Variants in PLIN4 observed in about 807,000 individuals in gnomAD.
The protein encoded by PLIN4 is perilipin 4, also known as perilipin-4.
A neutral mutation model predicts 52.4 loss-of-function variants in PLIN4; 57 were observed. The ratio of observed to expected loss-of-function variants is 1.09; its 90% CI spans 0.88 to 1.36. The LOEUF (loss-of-function observed/expected upper bound fraction) is 1.36, where lower values mean the gene tolerates loss of function less well. PLIN4 is among the 40% of genes most tolerant of loss of function. The pLI is 0.00. For missense variants in PLIN4, 1,757 were observed against 1,770.3 expected, an observed-to-expected ratio of 0.99 and a Z score of 0.13; for synonymous variants, 826 against 785.4, an observed-to-expected ratio of 1.05 and a Z score of -0.86.
intron 6 of PLIN4, among the ~76,000 whole-genome samples, chr19:4,505,433 G>A (rs16989695): frequency 0.44 from 67,632 of 152,060 alleles, 15,664 homozygotes; most frequent in Admixed American, 0.52. Context: ...CACAAGGTCC[G>A]CGTTCGGCCT....
rs760248235 is a variant in PLIN4 at position 4,513,240 on chromosome 19, A to G, written c.720T>C (p.Thr240=). 3.7e-6 allele frequency: 6 copies of G among 1,613,868 alleles called. No individual in the cohort carries two copies. In the South Asian group the frequency reaches 4.4e-5, roughly 12 times the overall value. The change falls in exon 5 of 8, where the codon ACT becomes ACC. Residue 240 remains threonine, a synonymous_variant. Transcript: ENST00000301286. Reference sequence around the variant, plus strand: ...CCACATTCACTGCCCCTGTGAGCCCAGTGGACACAGCATCTTTGGTGCCGG... The same window carrying G: ...CCACATTCACTGCCCCTGTGAGCCCGGTGGACACAGCATCTTTGGTGCCGG... The part of the protein sequence containing the change: ...VLTGTKDAVS[T]GLTGAVNVAR...
rs766267069 is a variant in PLIN4 at position 4,510,607 on chromosome 19, G to A, written c.3353C>T (p.Thr1118Ile). ...CCCTTGGGTGAACGTCGCCACGTCA[G>A]TCGCAAGGCCCTTGGTAGTGGCTGC... ...EAAATTKGLA[T>I]DVATFTQGAA... is the part of the protein sequence containing the mutation. Residue 1118 changes from threonine to isoleucine, a missense_variant, in exon 5 of 8, where the codon ACT becomes ATT. Around this residue, in one of 7 missense-constraint regions of PLIN4, gnomAD observed 712 missense variants for 637.1 expected, o/e 1.12. Transcript: ENST00000301286. The A allele has an allele frequency of 1.3e-6, 2 of 1,504,572 alleles. No individual in the cohort carries two copies. The highest frequency in any genetic ancestry group is 2.3e-5 in the Admixed American group (1 of 43,032). The allele number at this position is 1,504,572 out of a possible 1,614,324, so 93.2% of individuals were successfully genotyped here. A position where few individuals can be genotyped will look rare whatever the true frequency, so the allele number is the denominator to read the frequency against.
intron 4 of PLIN4, 85 bp downstream of exon 4, chr19:4,516,532 C>G: frequency 6.8e-7 from 1 of 1,473,386 alleles, no homozygotes; most frequent in Non-Finnish European, 9.2e-7. Flanking sequence ...GAGCAGCCCC[C>G]CAGATAGCAG....
chr19:4,506,264 C>T (rs1200932756), intron 6 of PLIN4, among the ~76,000 whole-genome samples: 1 of 152,200 alleles, frequency 6.6e-6, no homozygotes, highest in Non-Finnish European at 1.5e-5. Context: ...CCTCCCAGGC[C>T]TCCTTCCTAT....
At position 4,514,107 on chromosome 19, in the gene PLIN4, G is replaced by A. The variant is rs190813538; in HGVS notation, c.259-406C>T. On this transcript the variant is annotated intron_variant, in intron 4 of 7. Coordinates refer to ENST00000301286, the MANE Select transcript of PLIN4 (RefSeq NM_001367868.2). ...TGCTTATTCTCCATTCATGGCAAAT[G>A]TTGAGCCTGGCGTCCCAGGGACACC... is the stretch of plus-strand genomic sequence containing the variant. Among the ~76,000 whole-genome samples the A allele has an allele frequency of 7.2e-5, 11 of 152,342 alleles. No individual in the cohort carries two copies. The East Asian group carries it at 1.9e-3, about 27-fold the overall frequency.
chr19:4,518,112 CAG>C, intron 2 of PLIN4, 108 bp downstream of exon 2: 2 of 977,084 alleles, frequency 2.0e-6, no homozygotes, highest in South Asian at 9.3e-5. Context: ...ACCAGCCCAC[CAG>C]GGAAGCACCT....
In PLIN4 at chr19:4,518,431, C is replaced by T. The variant is rs908295347; in HGVS notation, c.-64G>A. ...GGTGTCACCGAAGCAGACGCGGCCC[C>T]GCTCACCTGGACTGCGCGGGGTCCC... On this transcript the variant is annotated 5_prime_UTR_variant, in exon 1 of 8. Transcript: ENST00000301286. The T allele has an allele frequency of 1.5e-5, 18 of 1,227,224 alleles. No individual in the cohort carries two copies. Among genetic ancestry groups the T allele is most frequent in the Middle Eastern group, 3.1e-4 (1 of 3,218 alleles). The allele number at this position is 1,227,224 out of a possible 1,614,324, so 76.0% of individuals were successfully genotyped here. A position where few individuals can be genotyped will look rare whatever the true frequency, so the allele number is the denominator to read the frequency against.
chr19:4,509,159 A>G (rs1324685277), intron 5 of PLIN4, among the ~76,000 whole-genome samples: 1 of 151,126 alleles, frequency 6.6e-6, no homozygotes, highest in Non-Finnish European at 1.5e-5. Context: ...AAAATACAAA[A>G]AATTAGCCGG....
chr19:4,503,195 G>C lies in PLIN4; in HGVS notation c.*1264C>G, dbSNP rs1975977826. ...GGCCCCTCCACCCTTCCTCCCCCTG[G>C]GTCTGGGGTTCCTGGGCTCGTGTCC... On this transcript the variant is annotated 3_prime_UTR_variant, in exon 8 of 8. Coordinates refer to ENST00000301286, the MANE Select transcript of PLIN4 (RefSeq NM_001367868.2). 6.6e-6 allele frequency: 1 copy of C among 152,338 alleles called. No individual in the cohort carries two copies. The highest frequency in any genetic ancestry group is 1.5e-5 in the Non-Finnish European group (1 of 68,144). 9.4% of individuals were successfully genotyped at this position (152,338 alleles called of 1,614,324 possible).
Position 4,504,914 on chromosome 19 carries a change from G to A in PLIN4, c.3736C>T (p.Pro1246Ser), listed in dbSNP as rs761817743. The part of the protein sequence containing the change: ...EKAQQAPEGQ[P>S]RLDQGSGASA... ...GCACCTGAGCCCTGGTCCAGACGTG[G>A]CTGCCCTTCTGGAGCCTGCTGGGCC... Residue 1246 changes from proline (P) to serine (S), a missense_variant, in exon 7 of 8, where the codon CCA becomes TCA. Coordinates refer to ENST00000301286, the MANE Select transcript of PLIN4 (RefSeq NM_001367868.2). 6.2e-7 allele frequency: 1 copy of A among 1,607,758 alleles called. No individual in the cohort carries two copies. The highest frequency in any genetic ancestry group is 1.7e-5 in the Admixed American group (1 of 59,214).
At position 4,510,902 on chromosome 19, in the gene PLIN4, T is replaced by G; in HGVS notation, c.3058A>C (p.Lys1020Gln). Residue 1020 changes from lysine (K) to glutamine (Q), a missense_variant, in exon 5 of 8, where the codon AAG becomes CAG. By Grantham distance (53) the Lys-to-Gln change is moderately conservative (BLOSUM62 1). Around this residue, in one of 7 missense-constraint regions of PLIN4, gnomAD observed 712 missense variants for 637.1 expected, o/e 1.12. Transcript: ENST00000301286. ...TCTTTGGTTCCGGTCAGCACTGTCTTGGTGGTGTCCAGGCCCCCCTGGACG... is the reference window on the plus strand; with the variant it reads ...TCTTTGGTTCCGGTCAGCACTGTCTGGGTGGTGTCCAGGCCCCCCTGGACG... ...GAVQGGLDTT[K>Q]TVLTGTKDAV... The G allele has an allele frequency of 6.2e-7, 1 of 1,613,648 alleles. No homozygotes were observed. Among genetic ancestry groups the G allele is most frequent in the East Asian group, 2.2e-5 (1 of 44,888 alleles).
At position 4,517,486 on chromosome 19, in the gene PLIN4, C is replaced by T. The variant is rs570266900; in HGVS notation, c.196+68G>A. On this transcript the variant is annotated intron_variant, in intron 3 of 7. Coordinates refer to ENST00000301286, the MANE Select transcript of PLIN4 (RefSeq NM_001367868.2). ...CCCCAAATGGCTGGAAGTCCCTGCC[C>T]GGGGAGCTCCTTCTCCCAGGTCCAT... 204 of 1,531,224 alleles carry T rather than the reference C, an allele frequency of 1.3e-4. No homozygotes were observed. In the African/African-American group the frequency reaches 2.2e-3, roughly 16 times the overall value. The allele number at this position is 1,531,224 out of a possible 1,614,324, so 94.9% of individuals were successfully genotyped here.
rs1240542983 is a variant in PLIN4, at chr19:4,516,072, G to A, written c.258+545C>T. On this transcript the variant is annotated intron_variant, in intron 4 of 7. Coordinates refer to ENST00000301286, the MANE Select transcript of PLIN4 (RefSeq NM_001367868.2). ...GGTGGATCACTTGAGGTCAGGAGTT[G>A]GAGACCAGCCTGGTGAAACCAACAT... 4.0e-5 allele frequency among the ~76,000 whole-genome samples: 6 copies of A among 149,468 alleles called. 1 individual carries two copies. The East Asian group carries it at 1.2e-3, about 29-fold the overall frequency.
At position 4,518,249 on chromosome 19, in the gene PLIN4, T is replaced by G. The variant is rs1976642968; in HGVS notation, c.24A>C (p.Arg8Ser). Residue 8 changes from arginine (R) to serine (S), a missense_variant, in exon 2 of 8, where the codon AGA becomes AGC. This residue lies in a region of PLIN4 where 332 missense variants were observed against 310.8 expected (regional missense o/e 1.07). Transcript: ENST00000301286. ...TGCCCTTCGGTTTGGGGGGATCCCG[T>G]CTCCCTTCGTCTGGAGCAGACATAG... MSAPDEGRRDPPKPKGKT... is the reference protein window; with the variant it reads MSAPDEGSRDPPKPKGKT... 1 of 1,232,666 alleles carries G rather than the reference T, an allele frequency of 8.1e-7. No homozygotes were observed. The highest frequency in any genetic ancestry group is 1.6e-5 in the African/African-American group (1 of 64,396). 76.4% of individuals were successfully genotyped at this position (1,232,666 alleles called of 1,614,324 possible). A position where few individuals can be genotyped will look rare whatever the true frequency, so the allele number is the denominator to read the frequency against.
rs759214174 is a variant in PLIN4, at chr19:4,511,323, G to A, written c.2637C>T (p.Ala879=). 8.0e-5 allele frequency: 128 copies of A among 1,607,012 alleles called. No individual in the cohort carries two copies. Among genetic ancestry groups the A allele is most frequent in the South Asian group, 7.3e-4 (66 of 90,628 alleles). Residue 879 remains alanine (A), a synonymous_variant, in exon 5 of 8, where the codon GCC becomes GCT. Transcript: ENST00000301286. ...VTGAAKVAKG[A]VQGGLDTTKS... is the part of the protein sequence containing the mutation. ...TTGTAGTGTCCAGGCCCCCCTGGAC[G>A]GCCCCTTTGGCCACTTTCGCAGCAC...
rs1975966569 is a variant in PLIN4, at chr19:4,502,890, G to A, written c.*1569C>T. On this transcript the variant is annotated 3_prime_UTR_variant, in exon 8 of 8. Transcript: ENST00000301286. ...CCGTCCCAGTAAGAATTAGGCTGTG[G>A]TGTGGCGGGAAGGGACTTCCTGAGC... The A allele has an allele frequency of 6.6e-6, 1 of 152,406 alleles. No individual in the cohort carries two copies. The allele number at this position is 152,406 out of a possible 1,614,324, so 9.4% of individuals were successfully genotyped here.
rs528348944 is a variant in PLIN4 at position 4,504,438 on chromosome 19, C to T, written c.*21G>A. The T allele has an allele frequency of 3.9e-5, 60 of 1,523,580 alleles. No homozygotes were observed. The highest frequency in any genetic ancestry group is 2.3e-4 in the Admixed American group (12 of 51,294). 94.4% of individuals were successfully genotyped at this position (1,523,580 alleles called of 1,614,324 possible). On this transcript the variant is annotated 3_prime_UTR_variant, in exon 8 of 8. Coordinates refer to ENST00000301286, the MANE Select transcript of PLIN4 (RefSeq NM_001367868.2). Reference sequence around the variant, plus strand: ...TGGACAGAGCAGGGCGACCCCGCGCCGGGCCTGCAGGCTCCTACAGCTACT... The same window carrying T: ...TGGACAGAGCAGGGCGACCCCGCGCTGGGCCTGCAGGCTCCTACAGCTACT...
At chr19:4,505,012 T>C in intron 6 of PLIN4, 65 bp from the exon 7 acceptor site, 1 of 1,423,660 alleles carries the variant, frequency 7.0e-7, no homozygotes, top group Non-Finnish European at 9.6e-7. Flanking sequence ...AACCCCCACC[T>C]CCCCCTCCCC....
chr19:4,508,846 T>C lies in PLIN4; in HGVS notation c.3624A>G (p.Glu1208=). 6.2e-7 allele frequency: 1 copy of C among 1,611,006 alleles called. No individual in the cohort carries two copies. The highest frequency in any genetic ancestry group is 1.1e-5 in the South Asian group (1 of 90,472). Residue 1208 remains glutamate, a synonymous_variant, in exon 6 of 8, where the codon GAA becomes GAG. Transcript: ENST00000301286. ...LGPSFRQRAF[E]HAVSHLQHGQ... ...CGTGCTGCAGGTGGCTCACCGCGTGTTCAAATGCCCGCTGGCGGAAGCTGG... is the reference window on the plus strand; with the variant it reads ...CGTGCTGCAGGTGGCTCACCGCGTGCTCAAATGCCCGCTGGCGGAAGCTGG...
Sources: allele counts gnomAD v4.1 joint callset (sites outside exome capture counted in the v4.1 genomes callset), GRCh38; gene constraint gnomAD v4.1.1; regional missense constraint gnomAD v4.1.1; transcripts MANE v1.5; gene names NCBI Gene and HGNC (gene_info 2026-07-23, HGNC 2026-07-21).